The following TERB1 variants were observed in gnomAD, a reference collection of about 807,000 sequenced individuals.
The protein encoded by TERB1 is telomere repeats-binding bouquet formation protein 1.
Under a neutral mutation model 92.3 loss-of-function variants are expected in TERB1, and 63 were observed. The ratio of observed to expected loss-of-function variants is 0.68; its 90% CI spans 0.56 to 0.84. The LOEUF (loss-of-function observed/expected upper bound fraction) is 0.84. TERB1 is among the 40% of genes least tolerant of loss of function. The pLI, the probability that TERB1 is intolerant of heterozygous loss-of-function variation, is 0.00. For missense variants in TERB1, 709 were observed against 843.7 expected (o/e 0.84, Z 1.98); for synonymous variants, 252 against 283.9 (o/e 0.89, Z 1.13).
intron 12 of TERB1, 69 bp from the exon 13 acceptor site, chr16:66,772,818 C>G: frequency 8.5e-7 from 1 of 1,171,140 alleles, no homozygotes; most frequent in South Asian, 1.6e-5. Flanking sequence ...GACAACTTCA[C>G]AGCCCACCCT....
intron 10 of TERB1, among the ~76,000 whole-genome samples, 200 bp downstream of exon 10, chr16:66,778,663 C>T (rs914131663): frequency 2.0e-5 from 3 of 152,142 alleles, no homozygotes; most frequent in Non-Finnish European, 4.4e-5. Flanking sequence ...GGTGATCTGC[C>T]CGCCTTGGCC....
intron 14 of TERB1, among the ~76,000 whole-genome samples, chr16:66,769,731 C>T (rs1326749470): frequency 6.6e-6 from 1 of 152,110 alleles, no homozygotes; most frequent in Non-Finnish European, 1.5e-5. Flanking sequence ...CTCCCTATAC[C>T]CTGTGAGTTA....
intron 16 of TERB1, among the ~76,000 whole-genome samples, chr16:66,764,534 G>A (rs190842263): frequency 6.6e-5 from 10 of 152,250 alleles, no homozygotes; most frequent in Admixed American, 4.6e-4. Flanking sequence ...ATGATGACAC[G>A]ATAAAGCACA....
At position 66,758,995 on chromosome 16, in the gene TERB1, G is replaced by A. The variant is rs1431060811; in HGVS notation, c.1930+146C>T. 155 of 921,574 alleles carry A rather than the reference G, an allele frequency of 1.7e-4. No individual in the cohort carries two copies. In the South Asian group the frequency reaches 1.8e-3, roughly 11 times the overall value. The allele number at this position is 921,574 out of a possible 1,614,324, so 57.1% of individuals were successfully genotyped here. ...ACCAACAGTCTAAGACTACTCCCTG[G>A]GTACATCTTCAATTACTTGTTGCTT... On this transcript the variant is annotated intron_variant, in intron 17 of 18. Coordinates refer to ENST00000433154, the MANE Select transcript of TERB1 (RefSeq NM_001136505.2).
chr16:66,785,998 C>A lies in TERB1; in HGVS notation c.577+16G>T. On this transcript the variant is annotated intron_variant, in intron 8 of 18. Coordinates refer to ENST00000433154, the MANE Select transcript of TERB1 (RefSeq NM_001136505.2). Reference sequence around the variant, plus strand: ...TTTTATCTTTATTTTTATATTTAAACATGACAGATAATTACCATTTTGAGG... The same window carrying A: ...TTTTATCTTTATTTTTATATTTAAAAATGACAGATAATTACCATTTTGAGG... The A allele has an allele frequency of 6.5e-7, 1 of 1,535,698 alleles. No individual in the cohort carries two copies. Among genetic ancestry groups the A allele is most frequent in the South Asian group, 1.2e-5 (1 of 81,352 alleles).
intron 16 of TERB1, among the ~76,000 whole-genome samples, chr16:66,763,516 T>C (rs1359095584): frequency 6.6e-6 from 1 of 152,212 alleles, no homozygotes; most frequent in African/African-American, 2.4e-5. Context: ...GAAGGTAGTA[T>C]TGTATGTTTC....
chr16:66,759,247 G>A lies in TERB1; in HGVS notation c.1824C>T (p.Ser608=). The A allele has an allele frequency of 6.5e-7, 1 of 1,547,236 alleles. No homozygotes were observed. The highest frequency in any genetic ancestry group is 8.7e-7 in the Non-Finnish European group (1 of 1,146,034). The change falls in exon 17 of 19, where the codon AGC becomes AGT. Residue 608 remains serine, a synonymous_variant. Coordinates refer to ENST00000433154, the MANE Select transcript of TERB1 (RefSeq NM_001136505.2). ...VEKSLNSRNF[S]KLLHSCPYQC... ...GGTATGGGCAAGAGTGCAAGAGCTT[G>A]CTAAAGTTTCGGCTATTCAGGGATT... is the stretch of plus-strand genomic sequence containing the variant.
At chr16:66,785,234 G>C (rs564329865) in intron 9 of TERB1, among the ~76,000 whole-genome samples, 1 of 146,390 alleles carries the variant, frequency 6.8e-6, no homozygotes, top group South Asian at 2.2e-4. Flanking sequence ...GTAGAGATGG[G>C]GTTTTACCAT....
intron 14 of TERB1, among the ~76,000 whole-genome samples, chr16:66,769,477 G>A (rs2018406830): frequency 1.3e-5 from 2 of 152,114 alleles, no homozygotes; most frequent in Non-Finnish European, 2.9e-5. Context: ...CTAACTGCAA[G>A]GGAAAAAGAC....
Position 66,785,544 on chromosome 16 carries a change from C to G in TERB1, c.700+242G>C, listed in dbSNP as rs186257419. On this transcript the variant is annotated intron_variant, in intron 9 of 18. Coordinates refer to ENST00000433154, the MANE Select transcript of TERB1 (RefSeq NM_001136505.2). ...CTCTATGGGTTTTTAGTCTTGCTATCTGGTTTCTCCGTTTTATGAGAGTAT... is the reference window on the plus strand; with the variant it reads ...CTCTATGGGTTTTTAGTCTTGCTATGTGGTTTCTCCGTTTTATGAGAGTAT... Among the ~76,000 whole-genome samples, 654 of 152,150 alleles carry G rather than the reference C, an allele frequency of 4.3e-3. 7 individuals carry two copies. The highest frequency in any genetic ancestry group is 4.2e-3 in the Non-Finnish European group (283 of 67,988).
intron 16 of TERB1, among the ~76,000 whole-genome samples, chr16:66,764,130 G>A (rs1368415782): frequency 6.6e-6 from 1 of 152,176 alleles, no homozygotes; most frequent in African/African-American, 2.4e-5. Flanking sequence ...ATTAAAAGCA[G>A]GAAGATGACA....
chr16:66,789,706 T>A (rs2018796075), intron 5 of TERB1, among the ~76,000 whole-genome samples: 1 of 145,404 alleles, frequency 6.9e-6, no homozygotes, highest in East Asian at 2.1e-4. Flanking sequence ...AAAGGTGATT[T>A]TTTTTTTTTT....
chr16:66,788,601 AAAC>A, intron 5 of TERB1, among the ~76,000 whole-genome samples: 1 of 152,220 alleles, frequency 6.6e-6, no homozygotes, highest in South Asian at 2.1e-4. Context: ...CAAAAAAAAA[AAAC>A]ACTTTAAAGG....
chr16:66,764,361 A>T (rs891659538), intron 16 of TERB1, among the ~76,000 whole-genome samples: 5 of 152,200 alleles, frequency 3.3e-5, no homozygotes, highest in African/African-American at 1.2e-4. Flanking sequence ...TACTTGATCA[A>T]ATGGCAAAGT....
chr16:66,759,865 G>A (rs1201702370), intron 16 of TERB1, among the ~76,000 whole-genome samples: 1 of 149,458 alleles, frequency 6.7e-6, no homozygotes, highest in Non-Finnish European at 1.5e-5. Context: ...AGCGGGCGCA[G>A]TGGCTCACGC....
intron 12 of TERB1, among the ~76,000 whole-genome samples, chr16:66,773,412 G>C (rs1210861223): frequency 6.6e-6 from 1 of 151,828 alleles, no homozygotes; most frequent in East Asian, 1.9e-4. Context: ...TAAACATACT[G>C]TGTCTGCAGT....
chr16:66,757,536 A>C (rs2018157510), intron 18 of TERB1, among the ~76,000 whole-genome samples: 2 of 152,204 alleles, frequency 1.3e-5, no homozygotes, highest in Non-Finnish European at 2.9e-5. Flanking sequence ...ATTACTTCAG[A>C]AAGTGGGCTC....
intron 12 of TERB1, among the ~76,000 whole-genome samples, chr16:66,773,958 C>T (rs1361988151): frequency 6.6e-6 from 1 of 152,044 alleles, no homozygotes; most frequent in Non-Finnish European, 1.5e-5. Context: ...TGGCTCACTG[C>T]AACCTCTGCC....
In TERB1 at chr16:66,755,086, G is replaced by T; in HGVS notation, c.2074C>A (p.His692Asn). ...AAAGACCACAAAATTGAATTCCAGT[G>T]ATTTCCCATTTTCTTAACTCCATTG... Reference protein sequence around the residue: ...LFNGVKKMGNHWNSILWSFPF... With the variant: ...LFNGVKKMGNNWNSILWSFPF... The change falls in exon 19 of 19, where the codon CAC (histidine) becomes AAC (asparagine). Residue 692 changes from histidine to asparagine, a missense_variant. Transcript: ENST00000433154. 1 of 1,551,274 alleles carries T rather than the reference G, an allele frequency of 6.4e-7. No individual in the cohort carries two copies. The highest frequency in any genetic ancestry group is 8.7e-7 in the Non-Finnish European group (1 of 1,146,638).
Sources: allele counts gnomAD v4.1 joint callset (sites outside exome capture counted in the v4.1 genomes callset), GRCh38; gene constraint gnomAD v4.1.1; transcripts MANE v1.5; gene names NCBI Gene and HGNC (gene_info 2026-07-23, HGNC 2026-07-21).